The following NRXN3 variants were observed in gnomAD, a reference collection of about 807,000 sequenced individuals.
NRXN3 encodes the protein neurexin 3.
NRXN3 carries 32 observed loss-of-function variants against 137.6 expected under a neutral mutation model. The ratio of observed to expected loss-of-function variants is 0.23; its 90% CI spans 0.18 to 0.31. The LOEUF (loss-of-function observed/expected upper bound fraction) is 0.31, where lower values mean the gene tolerates loss of function less well. Among genes scored for constraint, NRXN3 ranks in the 10% least tolerant of loss-of-function variants. The probability of loss-of-function intolerance (pLI) is 1.00; values close to 1 mark genes in which losing one functional copy is unlikely to be tolerated. For synonymous variants in NRXN3, 798 were observed against 784.5 expected, an observed-to-expected ratio of 1.02 and a Z score of -0.29; for missense variants, 1,574 against 2,062.5, an observed-to-expected ratio of 0.76 and a Z score of 4.59.
chr14:79,113,574 T>C (rs567562498), intron 15 of NRXN3, among the ~76,000 whole-genome samples: 2 of 152,222 alleles, frequency 1.3e-5, no homozygotes, highest in Non-Finnish European at 2.9e-5. Flanking sequence ...CTACTAACTT[T>C]TTTGAAAAGT....
intron 16 of NRXN3, among the ~76,000 whole-genome samples, chr14:79,662,084 T>C (rs1232642640): frequency 6.6e-6 from 1 of 152,088 alleles, no homozygotes; most frequent in East Asian, 1.9e-4. Context: ...TGCTGCCACG[T>C]GAAGAAGGAT....
chr14:79,653,215 G>T (rs993466833), intron 16 of NRXN3, among the ~76,000 whole-genome samples: 12 of 152,120 alleles, frequency 7.9e-5, no homozygotes, highest in African/African-American at 2.7e-4. Context: ...AACCGAGAGA[G>T]CTCAGTTAAT....
intron 4 of NRXN3, among the ~76,000 whole-genome samples, chr14:78,419,959 A>ACGCG (rs879298348): frequency 6.8e-4 from 34 of 50,068 alleles, no homozygotes; most frequent in African/African-American, 1.5e-3. Flanking sequence ...GCGCGCGCGC[A>ACGCG]CGCACACACA....
At chr14:78,792,761 A>G (rs2098809529) in intron 8 of NRXN3, among the ~76,000 whole-genome samples, 1 of 152,192 alleles carries the variant, frequency 6.6e-6, no homozygotes, top group Non-Finnish European at 1.5e-5. Flanking sequence ...ACACAAAACA[A>G]TGTCTATAAA....
intron 15 of NRXN3, among the ~76,000 whole-genome samples, chr14:79,159,898 C>T (rs186044992): frequency 2.6e-4 from 39 of 151,956 alleles, no homozygotes; most frequent in Middle Eastern, 3.4e-3. Context: ...TTCTTATATG[C>T]GTTTTCCACG....
chr14:78,403,839 C>T, intron 4 of NRXN3: 3 of 985,370 alleles, frequency 3.0e-6, no homozygotes, highest in Non-Finnish European at 2.4e-6. Context: ...ATGCACTCTG[C>T]ACTTCCATTC....
At chr14:79,692,768 A>ATT (rs542816304) in intron 18 of NRXN3, among the ~76,000 whole-genome samples, 1 of 151,086 alleles carries the variant, frequency 6.6e-6, no homozygotes, top group Admixed American at 6.6e-5. Context: ...TAAGGGGAGC[A>ATT]TTTTTTTTTA....
chr14:78,403,647 A>T, intron 4 of NRXN3: 1 of 891,424 alleles, frequency 1.1e-6, no homozygotes, highest in Non-Finnish European at 1.3e-6. Flanking sequence ...TTGAAGGGTG[A>T]GAGAGTTGCA....
intron 15 of NRXN3, among the ~76,000 whole-genome samples, chr14:78,992,565 G>A (rs1359786164): frequency 6.6e-6 from 1 of 152,164 alleles, no homozygotes; most frequent in African/African-American, 2.4e-5. Flanking sequence ...GTATTTTGTG[G>A]TAATATTGTC....
chr14:79,408,940 C>G (rs1019712180), intron 15 of NRXN3, among the ~76,000 whole-genome samples: 2 of 151,748 alleles, frequency 1.3e-5, no homozygotes, highest in Non-Finnish European at 2.9e-5. Context: ...TTTTTTTGCC[C>G]TTTTATTTAA....
In NRXN3 at chr14:79,036,444, T is replaced by C. The variant is rs559677519; in HGVS notation, c.3262+48303T>C. Reference sequence around the variant, plus strand: ...AGGACATGGAATGGTATGTTCTCCATTCATCTCTAGTTTTATTTCCTAGAT... The same window carrying C: ...AGGACATGGAATGGTATGTTCTCCACTCATCTCTAGTTTTATTTCCTAGAT... On this transcript the variant is annotated intron_variant, in intron 15 of 20. Coordinates refer to ENST00000335750, the MANE Select transcript of NRXN3 (RefSeq NM_001330195.2). 3.8e-4 allele frequency among the ~76,000 whole-genome samples: 58 copies of C among 152,218 alleles called. 1 individual carries two copies. The highest frequency in any genetic ancestry group is 1.4e-3 in the African/African-American group (57 of 41,550).
chr14:78,760,627 A>C (rs2098689245), intron 8 of NRXN3, among the ~76,000 whole-genome samples: 1 of 151,606 alleles, frequency 6.6e-6, no homozygotes. Flanking sequence ...TAAAGAGTTT[A>C]GACTTTTTGT....
At chr14:78,793,819 C>T (rs1203295403) in intron 8 of NRXN3, among the ~76,000 whole-genome samples, 1 of 152,014 alleles carries the variant, frequency 6.6e-6, no homozygotes, top group Non-Finnish European at 1.5e-5. Context: ...TGACTCAAGG[C>T]CCTAGGCTTG....
chr14:78,614,498 C>T (rs1299067639), intron 4 of NRXN3, among the ~76,000 whole-genome samples: 1 of 151,516 alleles, frequency 6.6e-6, no homozygotes, highest in Non-Finnish European at 1.5e-5. Context: ...CAAATTATGC[C>T]CAACATACTC....
chr14:79,608,954 A>C (rs1215339816), intron 16 of NRXN3, among the ~76,000 whole-genome samples: 31 of 152,132 alleles, frequency 2.0e-4, no homozygotes, highest in Admixed American at 2.0e-3. Context: ...TTCAGCTCAA[A>C]AGGATCTTCC....
intron 4 of NRXN3, among the ~76,000 whole-genome samples, chr14:78,367,719 C>T (rs1004386485): frequency 6.6e-6 from 1 of 152,172 alleles, no homozygotes; most frequent in Non-Finnish European, 1.5e-5. Flanking sequence ...AAGCTGGCAA[C>T]TGTGCCTTGG....
intron 16 of NRXN3, among the ~76,000 whole-genome samples, chr14:79,552,764 G>A (rs1311570698): frequency 1.3e-5 from 2 of 152,184 alleles, no homozygotes; most frequent in Non-Finnish European, 2.9e-5. Flanking sequence ...AGGAAAGTGA[G>A]GGACAGAACT....
intron 15 of NRXN3, among the ~76,000 whole-genome samples, chr14:79,401,157 G>GT (rs2095182186): frequency 6.6e-6 from 1 of 152,172 alleles, no homozygotes. Context: ...CCATGGACCT[G>GT]TTTTGTTTAG....
chr14:78,495,672 G>T (rs1029230125), intron 4 of NRXN3, among the ~76,000 whole-genome samples: 1 of 152,116 alleles, frequency 6.6e-6, no homozygotes, highest in Non-Finnish European at 1.5e-5. Flanking sequence ...ATATGCCCTT[G>T]ATAGGAAATC....
Sources: allele counts gnomAD v4.1 joint callset (sites outside exome capture counted in the v4.1 genomes callset), GRCh38; gene constraint gnomAD v4.1.1; transcripts MANE v1.5; gene names NCBI Gene and HGNC (gene_info 2026-07-23, HGNC 2026-07-21).